The following EPS15 variants were observed in gnomAD, a reference collection of about 807,000 sequenced individuals.
The protein encoded by EPS15 is epidermal growth factor receptor pathway substrate 15.
Under a neutral mutation model 113.8 loss-of-function variants are expected in EPS15, and 72 were observed. The ratio of observed to expected loss-of-function variants is 0.63; its 90% CI spans 0.52 to 0.77. The LOEUF (loss-of-function observed/expected upper bound fraction) is 0.77. Ranked by LOEUF, EPS15 falls within the 30% of genes least tolerant of loss-of-function variation. EPS15 has a pLI of 0.00. For missense variants in EPS15, 1,048 were observed against 1,045.8 expected, an observed-to-expected ratio of 1.00 and a Z score of -0.03; for synonymous variants, 344 against 363.4, an observed-to-expected ratio of 0.95 and a Z score of 0.61.
At chr1:51,450,545 TTC>T (rs888813413) in intron 8 of EPS15, among the ~76,000 whole-genome samples, 2 of 151,848 alleles carry the variant, frequency 1.3e-5, no homozygotes, top group African/African-American at 2.4e-5. Flanking sequence ...GTTAATAAAC[TTC>T]TGTTTTTCTC....
intron 13 of EPS15, among the ~76,000 whole-genome samples, chr1:51,411,104 CAT>C (rs1210306938): frequency 1.2e-4 from 19 of 152,214 alleles, no homozygotes; most frequent in African/African-American, 4.3e-4. Context: ...AAATGTCTCA[CAT>C]GTGTCACTAT....
At chr1:51,366,531 T>G (rs972148413) in intron 21 of EPS15, among the ~76,000 whole-genome samples, 5 of 152,168 alleles carry the variant, frequency 3.3e-5, no homozygotes, top group Admixed American at 6.5e-5. Context: ...AACTGATGAA[T>G]GATTTATAGG....
intron 24 of EPS15, among the ~76,000 whole-genome samples, chr1:51,359,968 T>C (rs776580050): frequency 6.6e-6 from 1 of 151,888 alleles, no homozygotes; most frequent in African/African-American, 2.4e-5. Flanking sequence ...AGTGGCATGA[T>C]CACAGCTCAC....
rs1377073721 is a variant in EPS15, at chr1:51,508,254, G to GAA, written c.33+10944_33+10945insTT. Among the ~76,000 whole-genome samples the GAA allele has an allele frequency of 6.3e-3, 732 of 116,560 alleles. 1 individual carries two copies. Among genetic ancestry groups the GAA allele is most frequent in the East Asian group, 0.023 (97 of 4,176 alleles). The allele number at this position is 116,560 out of a possible 152,430, so 76.5% of individuals were successfully genotyped here. ...AAAAGAAAAGAAAGAGAGAAAGAGA[G>GAA]AGAGAGAGAGAGAGAGAGAAAGAGA... On this transcript the variant is annotated intron_variant, in intron 1 of 24. Transcript: ENST00000371733.
intron 1 of EPS15, among the ~76,000 whole-genome samples, chr1:51,494,755 T>C (rs977331194): frequency 2.0e-5 from 3 of 152,240 alleles, no homozygotes; most frequent in Non-Finnish European, 4.4e-5. Flanking sequence ...ACCTCCAATC[T>C]TCCCATGCCA....
chr1:51,494,930 C>A (rs899476162), intron 1 of EPS15, among the ~76,000 whole-genome samples: 3 of 152,212 alleles, frequency 2.0e-5, no homozygotes, highest in Admixed American at 6.5e-5. Flanking sequence ...TGAAGGGACA[C>A]AATTCAACTC....
At chr1:51,500,246 T>C (rs1644388987) in intron 1 of EPS15, among the ~76,000 whole-genome samples, 1 of 152,254 alleles carries the variant, frequency 6.6e-6, no homozygotes, top group African/African-American at 2.4e-5. Flanking sequence ...ATAATGCTGC[T>C]ATAAACACTG....
At chr1:51,403,600 A>G (rs1284139044) in intron 16 of EPS15, 68 bp from the exon 17 acceptor site, 1 of 779,336 alleles carries the variant, frequency 1.3e-6, no homozygotes, top group Non-Finnish European at 2.0e-6. Flanking sequence ...CTGACTAAAG[A>G]TAACCAAAAA....
In EPS15 at chr1:51,423,105, T is replaced by C. The variant is rs143027933; in HGVS notation, c.1041-1247A>G. The C allele has an allele frequency of 1.1e-4, 90 of 814,758 alleles. No homozygotes were observed. The African/African-American group carries it at 1.1e-3, about 10-fold the overall frequency. The allele number at this position is 814,758 out of a possible 1,614,324, so 50.5% of individuals were successfully genotyped here. The stretch of plus-strand genomic sequence containing the variant: ...ACAAAAATCAACTGTTTTGGATACG[T>C]AGGCACAATGTTCTTAAGATGTCTA... On this transcript the variant is annotated intron_variant, in intron 12 of 24. Coordinates refer to ENST00000371733, the MANE Select transcript of EPS15 (RefSeq NM_001981.3).
chr1:51,455,508 T>A (rs535956015), intron 8 of EPS15, among the ~76,000 whole-genome samples: 1 of 151,984 alleles, frequency 6.6e-6, no homozygotes, highest in East Asian at 1.9e-4. Context: ...AAGAACAGAT[T>A]GAACCTGGGA....
Position 51,468,486 on chromosome 1 carries a change from G to A in EPS15, c.296C>T (p.Pro99Leu). ...VSLSSLNLAVPPPRFHDTSSP... is the reference protein window; with the variant it reads ...VSLSSLNLAVLPPRFHDTSSP... ...AGCATTTCTTACAAATCTTGGTGGA[G>A]GAACAGCCAGGTTCAAACTACTTAG... is the stretch of plus-strand genomic sequence containing the variant. The change falls in exon 5 of 25, where the codon CCT (proline) becomes CTT (leucine). Residue 99 changes from proline to leucine, a missense_variant. Coordinates refer to ENST00000371733, the MANE Select transcript of EPS15 (RefSeq NM_001981.3). The A allele has an allele frequency of 6.2e-7, 1 of 1,606,548 alleles. No homozygotes were observed. Among genetic ancestry groups the A allele is most frequent in the Non-Finnish European group, 8.5e-7 (1 of 1,173,224 alleles).
intron 12 of EPS15, among the ~76,000 whole-genome samples, chr1:51,428,977 G>A (rs985226597): frequency 4.0e-5 from 6 of 151,840 alleles, no homozygotes; most frequent in African/African-American, 1.2e-4. Flanking sequence ...CTGCATCCTC[G>A]AACTCCTGGC....
intron 21 of EPS15, among the ~76,000 whole-genome samples, chr1:51,374,672 A>G (rs1646743656): frequency 6.6e-6 from 1 of 152,208 alleles, no homozygotes; most frequent in Admixed American, 6.5e-5. Flanking sequence ...GTTTTCTTTC[A>G]CAGTCTGCAA....
chr1:51,357,411 T>C (rs1570057493), intron 24 of EPS15, among the ~76,000 whole-genome samples: 1 of 59,602 alleles, frequency 1.7e-5, no homozygotes, highest in Admixed American at 2.0e-4. Context: ...TATATATATA[T>C]ATATATATAT....
chr1:51,368,420 C>A (rs1646557539), intron 21 of EPS15, among the ~76,000 whole-genome samples: 1 of 152,018 alleles, frequency 6.6e-6, no homozygotes, highest in African/African-American at 2.4e-5. Context: ...CAACTCTGAT[C>A]CTGAAGAGGA....
chr1:51,460,445 G>T (rs1023482552), intron 8 of EPS15, among the ~76,000 whole-genome samples: 1 of 152,154 alleles, frequency 6.6e-6, no homozygotes, highest in African/African-American at 2.4e-5. Context: ...AAAAGGAAAT[G>T]TGAAATTTGG....
intron 12 of EPS15, among the ~76,000 whole-genome samples, chr1:51,430,717 AG>A (rs1226030929): frequency 4.6e-5 from 7 of 152,126 alleles, no homozygotes; most frequent in Non-Finnish European, 1.0e-4. Context: ...ACACTTTGGG[AG>A]GCTGAAGTGG....
intron 4 of EPS15, among the ~76,000 whole-genome samples, chr1:51,469,160 A>C (rs1162604612): frequency 6.6e-6 from 1 of 152,002 alleles, no homozygotes; most frequent in Admixed American, 6.6e-5. Flanking sequence ...AAAACAAATA[A>C]TATTTAATGA....
intron 1 of EPS15, among the ~76,000 whole-genome samples, chr1:51,485,873 C>T (rs888970916): frequency 2.0e-5 from 3 of 152,244 alleles, no homozygotes; most frequent in African/African-American, 7.2e-5. Flanking sequence ...TCTTGGCCCA[C>T]TGCAACCTCT....
Sources: gnomAD v4.1 joint callset for allele counts (sites outside exome capture counted in the v4.1 genomes callset) on GRCh38, gnomAD v4.1.1 for gene constraint, MANE v1.5 for transcripts, NCBI Gene and HGNC (gene_info 2026-07-23, HGNC 2026-07-21) for gene names.